Variants in EXOC4 observed in about 807,000 individuals in gnomAD.
EXOC4 encodes exocyst complex component 4.
A neutral mutation model predicts 107.2 loss-of-function variants in EXOC4; 71 were observed. That is an observed-to-expected ratio of 0.66 (90% CI 0.55 to 0.81). The LOEUF is 0.81. Ranked by LOEUF, EXOC4 falls within the 30% of genes least tolerant of loss-of-function variation. The probability of loss-of-function intolerance (pLI) is 0.00; values close to 1 mark genes in which losing one functional copy is unlikely to be tolerated. For synonymous variants in EXOC4, 456 were observed against 441.2 expected, an observed-to-expected ratio of 1.03 and a Z score of -0.42; for missense variants, 1,108 against 1,189.6, an observed-to-expected ratio of 0.93 and a Z score of 1.01.
At chr7:133,606,520 T>TA in intron 9 of EXOC4, among the ~76,000 whole-genome samples, 1 of 132,800 alleles carries the variant, frequency 7.5e-6, no homozygotes, top group African/African-American at 3.2e-5. Flanking sequence ...TATTATTATT[T>TA]TTTTTTTTTT....
intron 7 of EXOC4, among the ~76,000 whole-genome samples, chr7:133,405,034 A>G (rs1429768928): frequency 6.6e-6 from 1 of 151,912 alleles, no homozygotes; most frequent in Non-Finnish European, 1.5e-5. Flanking sequence ...TGATCATGCT[A>G]CTCTACTCCA....
intron 9 of EXOC4, among the ~76,000 whole-genome samples, chr7:133,606,581 C>T (rs978241590): frequency 6.7e-6 from 1 of 149,460 alleles, no homozygotes. Flanking sequence ...GTGGTGCATT[C>T]TCGGCTCACT....
At position 133,917,553 on chromosome 7, in the gene EXOC4, C is replaced by T. The variant is rs771539019; in HGVS notation, c.1872-30C>T. ...TAACTGAATACCAGGCATCATGCTA[C>T]AGTGTCTCTTTTCTATTGGCTGTGT... is the stretch of plus-strand genomic sequence containing the variant. On this transcript the variant is annotated intron_variant, in intron 12 of 17. Coordinates refer to ENST00000253861, the MANE Select transcript of EXOC4 (RefSeq NM_021807.4). The T allele has an allele frequency of 3.1e-6, 5 of 1,607,928 alleles. No individual in the cohort carries two copies. In the Admixed American group the frequency reaches 5.0e-5, roughly 16 times the overall value.
chr7:134,003,816 C>A (rs1427386075), intron 15 of EXOC4, among the ~76,000 whole-genome samples: 1 of 151,666 alleles, frequency 6.6e-6, no homozygotes, highest in Non-Finnish European at 1.5e-5. Context: ...TGGACTGAAA[C>A]ACTTTGATTA....
intron 11 of EXOC4, among the ~76,000 whole-genome samples, chr7:133,828,761 TA>T (rs1797751810): frequency 6.6e-6 from 1 of 152,202 alleles, no homozygotes. Flanking sequence ...GAAATTTTAA[TA>T]AAATGAAATG....
At chr7:133,451,360 GTTGACT>G (rs1001185192) in intron 7 of EXOC4, among the ~76,000 whole-genome samples, 3 of 151,998 alleles carry the variant, frequency 2.0e-5, no homozygotes, top group Admixed American at 2.0e-4. Flanking sequence ...TAGGTTTCCT[GTTGACT>G]TGTAATTTAG....
the EXOC4 span, among the ~76,000 whole-genome samples, chr7:134,077,314 A>G: frequency 2.0e-5 from 3 of 152,200 alleles, no homozygotes; most frequent in African/African-American, 7.2e-5. Context: ...TTTTTATTCT[A>G]TCAGGGCCTT....
At chr7:133,855,842 T>C (rs1470347767) in intron 11 of EXOC4, among the ~76,000 whole-genome samples, 1 of 152,160 alleles carries the variant, frequency 6.6e-6, no homozygotes, top group Non-Finnish European at 1.5e-5. Flanking sequence ...ACTGCATCTG[T>C]CTACAGAGAA....
intron 5 of EXOC4, among the ~76,000 whole-genome samples, chr7:133,340,892 A>C (rs558876522): frequency 1.3e-5 from 2 of 152,056 alleles, no homozygotes; most frequent in South Asian, 4.1e-4. Flanking sequence ...TGTCTAATTC[A>C]GTTTATTTGG....
At chr7:133,974,243 G>A (rs1294283669) in intron 14 of EXOC4, among the ~76,000 whole-genome samples, 3 of 152,172 alleles carry the variant, frequency 2.0e-5, no homozygotes, top group Non-Finnish European at 4.4e-5. Flanking sequence ...GTGTTTCCAA[G>A]TTCTTTGTCT....
At chr7:133,267,263 C>T (rs1793751815) in intron 1 of EXOC4, among the ~76,000 whole-genome samples, 1 of 152,146 alleles carries the variant, frequency 6.6e-6, no homozygotes, top group African/African-American at 2.4e-5. Context: ...TTTCATAGAA[C>T]ACTCAGAGTA....
At chr7:133,322,206 A>C (rs1249707440) in intron 5 of EXOC4, among the ~76,000 whole-genome samples, 1 of 152,162 alleles carries the variant, frequency 6.6e-6, no homozygotes, top group Non-Finnish European at 1.5e-5. Context: ...TTTGCTGTGC[A>C]GAAGCTCTTT....
chr7:133,595,771 C>T (rs1457749221), intron 9 of EXOC4, among the ~76,000 whole-genome samples: 4 of 152,226 alleles, frequency 2.6e-5, no homozygotes, highest in African/African-American at 9.6e-5. Context: ...CTCCTAGCAA[C>T]AAGAAGTTCC....
At chr7:133,754,312 T>G (rs1795854006) in intron 10 of EXOC4, among the ~76,000 whole-genome samples, 2 of 152,134 alleles carry the variant, frequency 1.3e-5, no homozygotes, top group Admixed American at 6.6e-5. Context: ...GATGTTAAGT[T>G]TAGGTTCGAA....
At chr7:133,877,559 C>T (rs1798875459) in intron 11 of EXOC4, among the ~76,000 whole-genome samples, 1 of 152,126 alleles carries the variant, frequency 6.6e-6, no homozygotes, top group Non-Finnish European at 1.5e-5. Context: ...TACCTGACAC[C>T]CTATCTATTA....
At chr7:133,930,979 G>A (rs980709618) in intron 13 of EXOC4, among the ~76,000 whole-genome samples, 5 of 151,028 alleles carry the variant, frequency 3.3e-5, no homozygotes, top group African/African-American at 1.2e-4. Context: ...TTACATTTAT[G>A]GCATTTTTTT....
intron 10 of EXOC4, among the ~76,000 whole-genome samples, chr7:133,728,823 T>A (rs1012546425): frequency 1.3e-5 from 2 of 152,144 alleles, no homozygotes; most frequent in African/African-American, 4.8e-5. Flanking sequence ...TCATCTTGAA[T>A]TTTGTCCACC....
At chr7:133,606,121 A>G (rs996625840) in intron 9 of EXOC4, among the ~76,000 whole-genome samples, 3 of 152,196 alleles carry the variant, frequency 2.0e-5, no homozygotes, top group African/African-American at 4.8e-5. Context: ...CCACACTAGC[A>G]TTGGCAAGAG....
At chr7:133,801,524 A>G (rs1796942462) in intron 10 of EXOC4, among the ~76,000 whole-genome samples, 1 of 152,214 alleles carries the variant, frequency 6.6e-6, no homozygotes, top group South Asian at 2.1e-4. Context: ...GCATCAACAC[A>G]GGGATGGATC....
Sources: allele counts gnomAD v4.1 joint callset (sites outside exome capture counted in the v4.1 genomes callset), GRCh38; gene constraint gnomAD v4.1.1; transcripts MANE v1.5; gene names NCBI Gene and HGNC (gene_info 2026-07-23, HGNC 2026-07-21).